Variants in ATG4A observed in about 807,000 individuals in gnomAD.
ATG4A encodes autophagy related 4A cysteine peptidase, also known as cysteine protease ATG4A.
In ATG4A, 22 loss-of-function variants were observed where a neutral mutation model predicts 38.4. The observed-to-expected ratio is 0.57, with a 90% CI of 0.41 to 0.82. ATG4A has a LOEUF of 0.82. Among genes scored for constraint, ATG4A ranks in the 40% least tolerant of loss-of-function variants. The probability of loss-of-function intolerance (pLI) is 0.00; values close to 1 mark genes in which losing one functional copy is unlikely to be tolerated. For synonymous variants in ATG4A, 86 were observed against 100.7 expected (o/e 0.85, Z 0.88); for missense variants, 220 against 290.0 (o/e 0.76, Z 1.75).
intron 1 of ATG4A, among the ~76,000 whole-genome samples, chrX:108,099,239 G>A (rs1038520027): frequency 2.0e-4 from 22 of 110,931 alleles, no homozygotes; most frequent in African/African-American, 6.2e-4. Context: ...TTTATCTGAT[G>A]GCTAATAAAG....
Position 108,134,245 on chromosome X carries a change from C to T in ATG4A, c.394+87C>T, listed in dbSNP as rs2033039441. 6 of 1,124,466 alleles carry T rather than the reference C, an allele frequency of 5.3e-6. No homozygotes were observed. In the East Asian group the frequency reaches 1.8e-4, roughly 34 times the overall value. 92.7% of individuals were successfully genotyped at this position (1,124,466 alleles called of 1,213,427 possible). ...CTTATATGTGGCTCCATTAAGTTGT[C>T]CATCTGCTTAATTATTTATGCAAAA... On this transcript the variant is annotated intron_variant, in intron 5 of 12. Coordinates refer to ENST00000372232, the MANE Select transcript of ATG4A (RefSeq NM_052936.5).
rs370341232 is a variant in ATG4A, at chrX:108,091,812, G to C, written c.-15G>C. The C allele has an allele frequency of 1.9e-5, 23 of 1,211,836 alleles. No homozygotes were observed. Among genetic ancestry groups the C allele is most frequent in the Non-Finnish European group, 2.6e-5 (23 of 895,513 alleles). On this transcript the variant is annotated 5_prime_UTR_variant, in exon 1 of 13. Coordinates refer to ENST00000372232, the MANE Select transcript of ATG4A (RefSeq NM_052936.5). ...CAAGTTGCCGGTGGAATTGGCCCAG[G>C]ATGACAGCTGGAGAATGGAGTCAGG... is the stretch of plus-strand genomic sequence containing the variant.
At chrX:108,092,211 G>A (rs990432242) in intron 1 of ATG4A, among the ~76,000 whole-genome samples, 9 of 111,735 alleles carry the variant, frequency 8.1e-5, no homozygotes, top group Non-Finnish European at 1.5e-4. Flanking sequence ...GATGCCAAAG[G>A]CAGGGTGTGA....
chrX:108,151,156 T>C (rs1215571549), intron 10 of ATG4A, among the ~76,000 whole-genome samples: 2 of 111,692 alleles, frequency 1.8e-5, no homozygotes, highest in South Asian at 3.9e-4. Flanking sequence ...TGCAGGATTT[T>C]CCCCCAGAAG....
At chrX:108,129,198 A>G (rs2032882810) in intron 3 of ATG4A, among the ~76,000 whole-genome samples, 1 of 112,561 alleles carries the variant, frequency 8.9e-6, no homozygotes, top group Admixed American at 9.4e-5. Context: ...TGCTTTGTGG[A>G]ACTACATGAT....
chrX:108,137,252 A>G, intron 7 of ATG4A, 82 bp downstream of exon 7: 1 of 881,298 alleles, frequency 1.1e-6, no homozygotes, highest in South Asian at 2.4e-5. Flanking sequence ...GGCTCAAGAG[A>G]GTCTCTCTGG....
intron 1 of ATG4A, among the ~76,000 whole-genome samples, chrX:108,124,166 C>A (rs2032736068): frequency 8.9e-6 from 1 of 112,174 alleles, no homozygotes; most frequent in Admixed American, 9.4e-5. Flanking sequence ...CCTGGATAAT[C>A]ATTTTTAGCC....
At chrX:108,117,542 T>A (rs749493907) in intron 1 of ATG4A, among the ~76,000 whole-genome samples, 1 of 111,538 alleles carries the variant, frequency 9.0e-6, no homozygotes, top group East Asian at 2.8e-4. Context: ...TTATTTTGAC[T>A]GAAAAGAGTA....
At chrX:108,090,623 A>G (rs4036579), upstream of ATG4A, among the ~76,000 whole-genome samples, 44,616 of 110,711 alleles carry the variant, frequency 0.4, 6,937 homozygotes, top group Non-Finnish European at 0.47. Context: ...GGACAGTCTC[A>G]CTAGTGCTTA....
In ATG4A at chrX:108,153,855, ACT is replaced by A. The variant is rs745649229; in HGVS notation, c.*144_*145del. On this transcript the variant is annotated 3_prime_UTR_variant, in exon 13 of 13. Transcript: ENST00000372232. ...AATAGCAATCATGACTGAGCCAATC[ACT>A]GTTTCTCAGAAAAACAAAACAAAAC... 2.4e-4 allele frequency: 108 copies of A among 449,507 alleles called. No homozygotes were observed. The highest frequency in any genetic ancestry group is 2.2e-3 in the African/African-American group (91 of 40,768). 37.0% of individuals were successfully genotyped at this position (449,507 alleles called of 1,213,427 possible). A position where few individuals can be genotyped will look rare whatever the true frequency, so the allele number is the denominator to read the frequency against.
chrX:108,108,977 C>G (rs747544133), intron 1 of ATG4A, among the ~76,000 whole-genome samples: 65 of 112,027 alleles, frequency 5.8e-4, no homozygotes, highest in Non-Finnish European at 9.8e-4. Context: ...CATGGGTGTG[C>G]AAATATCTCT....
At chrX:108,141,060 GTATATATATACATATATATA>G (rs2033261776) in intron 9 of ATG4A, among the ~76,000 whole-genome samples, 1 of 30,030 alleles carries the variant, frequency 3.3e-5, no homozygotes. Context: ...ATATATACGT[GTATATATATACATATATATA>G]TATATATATA....
intron 1 of ATG4A, among the ~76,000 whole-genome samples, chrX:108,110,695 G>C (rs894086733): frequency 9.0e-6 from 1 of 111,681 alleles, no homozygotes; most frequent in Non-Finnish European, 1.9e-5. Flanking sequence ...AGAACATGTG[G>C]TATTTAACTT....
At chrX:108,149,925 G>T in intron 9 of ATG4A, 1 of 360,506 alleles carries the variant, frequency 2.8e-6, no homozygotes, top group Non-Finnish European at 4.8e-6. Flanking sequence ...TTGGGACTTG[G>T]ACTTTGAGGA....
intron 1 of ATG4A, among the ~76,000 whole-genome samples, chrX:108,097,259 T>C (rs1376804944): frequency 8.9e-6 from 1 of 112,154 alleles, no homozygotes; most frequent in East Asian, 2.8e-4. Context: ...ACTTAACCAC[T>C]GCAACATGCT....
rs750335172 is a variant in ATG4A at position 108,123,709 on chromosome X, G to A, written c.11-2368G>A. The stretch of plus-strand genomic sequence containing the variant: ...CTTGCTGGCCTAGCTAGGCCTGAGA[G>A]GGGGTGAAGTGCAAGAGTAAAATTC... On this transcript the variant is annotated intron_variant, in intron 1 of 12. Coordinates refer to ENST00000372232, the MANE Select transcript of ATG4A (RefSeq NM_052936.5). Among the ~76,000 whole-genome samples, 3 of 112,190 alleles carry A rather than the reference G, an allele frequency of 2.7e-5. No homozygotes were observed. In the South Asian group the frequency reaches 1.1e-3, roughly 42 times the overall value.
At chrX:108,104,164 A>G (rs1176645238) in intron 1 of ATG4A, among the ~76,000 whole-genome samples, 1 of 112,471 alleles carries the variant, frequency 8.9e-6, no homozygotes, top group African/African-American at 3.2e-5. Context: ...TTTAACTTCT[A>G]TACTAAAATT....
intron 1 of ATG4A, among the ~76,000 whole-genome samples, chrX:108,103,021 G>A (rs1010373106): frequency 1.8e-5 from 2 of 109,856 alleles, no homozygotes; most frequent in African/African-American, 6.7e-5. Context: ...GCCCCAGTGT[G>A]TGTTGTTCCC....
At chrX:108,089,001 G>A, upstream of ATG4A, 1 of 360,480 alleles carries the variant, frequency 2.8e-6, no homozygotes, top group Admixed American at 4.9e-5. Context: ...TTACTTACTG[G>A]TATAAGACAG....
Sources: gnomAD v4.1 joint callset for allele counts (sites outside exome capture counted in the v4.1 genomes callset) on GRCh38, gnomAD v4.1.1 for gene constraint, MANE v1.5 for transcripts, NCBI Gene and HGNC (gene_info 2026-07-23, HGNC 2026-07-21) for gene names.